Variants in SCHIP1 observed in about 807,000 individuals in gnomAD.
SCHIP1 encodes schwannomin-interacting protein 1.
SCHIP1 carries 8 observed loss-of-function variants against 29.7 expected under a neutral mutation model. The ratio of observed to expected loss-of-function variants is 0.27; its 90% confidence interval spans 0.16 to 0.49. SCHIP1 has a LOEUF of 0.49. Among genes scored for constraint, SCHIP1 ranks in the 20% least tolerant of loss-of-function variants. SCHIP1 has a pLI of 0.99. For synonymous variants in SCHIP1, 76 were observed against 94.9 expected (o/e 0.80, Z 1.16); for missense variants, 193 against 294.6 (o/e 0.66, Z 2.52).
chr3:159,717,900 T>C, the SCHIP1 span, among the ~76,000 whole-genome samples: 1 of 152,170 alleles, frequency 6.6e-6, no homozygotes, highest in Non-Finnish European at 1.5e-5. Context: ...ATCATCCTGA[T>C]ACCAAAGCCT....
chr3:159,287,320 C>G, the SCHIP1 span, among the ~76,000 whole-genome samples: 1 of 147,336 alleles, frequency 6.8e-6, no homozygotes, highest in East Asian at 2.0e-4. Context: ...TTTTATTTCA[C>G]TTTTTGAGAC....
chr3:159,645,506 T>C, the SCHIP1 span, among the ~76,000 whole-genome samples: 1 of 152,186 alleles, frequency 6.6e-6, no homozygotes, highest in Non-Finnish European at 1.5e-5. Flanking sequence ...ATGGATAGAC[T>C]GCTTGCAACC....
the SCHIP1 span, among the ~76,000 whole-genome samples, chr3:159,561,996 C>A: frequency 5.9e-3 from 902 of 152,236 alleles, 9 homozygotes; most frequent in African/African-American, 0.02. Context: ...ACCACATGTG[C>A]ATCAAATACC....
At chr3:159,409,117 C>A in the SCHIP1 span, among the ~76,000 whole-genome samples, 1 of 152,016 alleles carries the variant, frequency 6.6e-6, no homozygotes. Context: ...TCAAAAAACT[C>A]GGTATAGAGG....
chr3:159,716,798 T>C, the SCHIP1 span, among the ~76,000 whole-genome samples: 1 of 152,160 alleles, frequency 6.6e-6, no homozygotes, highest in African/African-American at 2.4e-5. Context: ...CGGGAGACTT[T>C]AACACCCCAC....
chr3:159,589,940 T>C, the SCHIP1 span, among the ~76,000 whole-genome samples: 2 of 152,088 alleles, frequency 1.3e-5, no homozygotes, highest in Non-Finnish European at 2.9e-5. Context: ...TATGAGCAAG[T>C]GAGAGAGTAG....
At chr3:159,341,835 T>C in the SCHIP1 span, among the ~76,000 whole-genome samples, 1 of 152,194 alleles carries the variant, frequency 6.6e-6, no homozygotes, top group South Asian at 2.1e-4. Context: ...GGTTATCAAA[T>C]CATTTGGCAT....
At chr3:159,839,975 G>C in exon 1 of SCHIP1, 1 of 1,426,108 alleles carries the variant, frequency 7.0e-7, no homozygotes, top group Non-Finnish European at 9.1e-7. Flanking sequence ...CGGAGGGCTG[G>C]AGAGCAGCTC....
the SCHIP1 span, chr3:159,765,328 GGGTTTGCA>G: frequency 1.6e-6 from 1 of 636,662 alleles, no homozygotes; most frequent in South Asian, 2.6e-5. Context: ...TGAGCTGTCT[GGGTTTGCA>G]GGATGGGCGG....
At chr3:159,388,288 C>T in the SCHIP1 span, among the ~76,000 whole-genome samples, 4 of 151,898 alleles carry the variant, frequency 2.6e-5, no homozygotes. Flanking sequence ...TATATACCAC[C>T]AATTGCACTT....
At chr3:159,609,964 C>T in the SCHIP1 span, among the ~76,000 whole-genome samples, 3 of 152,114 alleles carry the variant, frequency 2.0e-5, no homozygotes. Context: ...AGTGGAAGGA[C>T]CTATGCTACG....
the SCHIP1 span, among the ~76,000 whole-genome samples, chr3:159,785,867 C>T: frequency 6.6e-6 from 1 of 152,078 alleles, no homozygotes; most frequent in Non-Finnish European, 1.5e-5. Flanking sequence ...TCATAGACAA[C>T]GATTGTTTGG....
chr3:159,605,671 G>A, the SCHIP1 span, among the ~76,000 whole-genome samples: 3 of 152,104 alleles, frequency 2.0e-5, no homozygotes, highest in Admixed American at 6.6e-5. Context: ...AAACAGCTAC[G>A]TTAAAGTTTG....
the SCHIP1 span, among the ~76,000 whole-genome samples, chr3:159,552,274 A>C: frequency 2.6e-5 from 4 of 151,900 alleles, no homozygotes; most frequent in African/African-American, 7.3e-5. Context: ...TCCAACTCCC[A>C]ACCCCAGGTG....
the SCHIP1 span, among the ~76,000 whole-genome samples, chr3:159,326,458 A>G: frequency 2.0e-5 from 3 of 152,116 alleles, no homozygotes; most frequent in African/African-American, 7.2e-5. Context: ...TTATGTCCAA[A>G]TATTATGTGA....
the SCHIP1 span, among the ~76,000 whole-genome samples, chr3:159,468,742 ATAAT>A: frequency 2.4e-5 from 3 of 122,520 alleles, no homozygotes; most frequent in East Asian, 2.5e-4. Context: ...AATATAATAT[ATAAT>A]ATATAATATA....
At chr3:159,673,158 A>T in the SCHIP1 span, among the ~76,000 whole-genome samples, 1 of 152,216 alleles carries the variant, frequency 6.6e-6, no homozygotes, top group South Asian at 2.1e-4. Context: ...ACAGCCTTGA[A>T]ACAATGTTTC....
chr3:159,733,167 G>T, the SCHIP1 span, among the ~76,000 whole-genome samples: 3,697 of 152,226 alleles, frequency 0.024, 76 homozygotes, highest in African/African-American at 0.052. Context: ...CAAAGGGCTG[G>T]AAGAAATCTC....
chr3:159,380,284 A>G, the SCHIP1 span, among the ~76,000 whole-genome samples: 1 of 152,152 alleles, frequency 6.6e-6, no homozygotes, highest in Non-Finnish European at 1.5e-5. Flanking sequence ...TCCCTCTTCT[A>G]GCTCTTGCAG....
Sources: gnomAD v4.1 joint callset for allele counts (sites outside exome capture counted in the v4.1 genomes callset) on GRCh38, gnomAD v4.1.1 for gene constraint, MANE v1.5 for transcripts, NCBI Gene and HGNC (gene_info 2026-07-23, HGNC 2026-07-21) for gene names.